CHRD: variants seen among roughly 807,000 people sequenced by gnomAD.
CHRD encodes the protein chordin.
CHRD carries 69 observed loss-of-function variants against 113.7 expected under a neutral mutation model. That is an observed-to-expected ratio of 0.61 (90% CI 0.50 to 0.74). CHRD has a LOEUF of 0.74. Ranked by LOEUF, CHRD falls within the 30% of genes least tolerant of loss-of-function variation. The pLI is 0.00. For missense variants in CHRD, 1,194 were observed against 1,295.8 expected (o/e 0.92, Z 1.21); for synonymous variants, 561 against 540.8 (o/e 1.04, Z -0.52).
chr3:184,387,998 G>C lies in CHRD; in HGVS notation c.2519G>C (p.Arg840Pro), dbSNP rs772596758. The C allele has an allele frequency of 1.2e-6, 2 of 1,613,824 alleles. No homozygotes were observed. The highest frequency in any genetic ancestry group is 8.5e-7 in the Non-Finnish European group (1 of 1,179,974). Residue 840 changes from arginine to proline, a missense_variant, in exon 20 of 23, where the codon CGT (arginine) becomes CCT (proline). Coordinates refer to ENST00000204604, the Ensembl canonical transcript of CHRD. The surrounding 1 kb of genome is among the most constrained non-coding windows in gnomAD (Gnocchi z 6.1). The stretch of plus-strand genomic sequence containing the variant: ...CGGCTGGCCTGTGCCCAGCCTGTGC[G>C]TGTCAACCCCACCGACTGCTGCAAA...
exon 23 of CHRD, chr3:184,389,422 G>A (rs761121492): frequency 8.7e-6 from 14 of 1,613,300 alleles, no homozygotes; most frequent in Admixed American, 1.7e-5. Context: ...AAGGCTCTTA[G>A]GGAGCAGCCA....
In CHRD at chr3:184,381,174, G is replaced by T. The variant is rs1715315580; in HGVS notation, c.253-61G>T. The T allele has an allele frequency of 8.1e-6, 13 of 1,598,228 alleles. No homozygotes were observed. The highest frequency in any genetic ancestry group is 9.4e-6 in the Non-Finnish European group (11 of 1,168,760). On this transcript the variant is annotated intron_variant, in intron 2 of 22. Coordinates refer to ENST00000204604, the Ensembl canonical transcript of CHRD. This position sits in a 1 kb window ranked among gnomAD's most constrained non-coding sequence, Gnocchi z 4.7. Reference sequence around the variant, plus strand: ...TGACTCTGCGGGACATCCTTGCCTGGGGGGGTCTCATCAGTTGGCATCTTG... The same window carrying T: ...TGACTCTGCGGGACATCCTTGCCTGTGGGGGTCTCATCAGTTGGCATCTTG...
rs1331011803 is a variant in CHRD, at chr3:184,387,436, C to T, written c.2410C>T (p.Pro804Ser). 3.7e-6 allele frequency: 6 copies of T among 1,612,484 alleles called. No individual in the cohort carries two copies. Among genetic ancestry groups the T allele is most frequent in the Non-Finnish European group, 5.1e-6 (6 of 1,179,468 alleles). ...GGGTACGCGGTGGCACCCCGTTGTGCCCCCCTTTGGCTTAATTAAGTGTGC... is the reference window on the plus strand; with the variant it reads ...GGGTACGCGGTGGCACCCCGTTGTGTCCCCCTTTGGCTTAATTAAGTGTGC... The change falls in exon 19 of 23, where the codon CCC (proline) becomes TCC (serine). Residue 804 changes from proline (P) to serine (S), a missense_variant. Pro to Ser is a moderately conservative substitution (Grantham distance 74). Coordinates refer to ENST00000204604, the Ensembl canonical transcript of CHRD. This position sits in a 1 kb window ranked among gnomAD's most constrained non-coding sequence, Gnocchi z 6.1.
Position 184,381,179 on chromosome 3 carries a change from G to T in CHRD, c.253-56G>T, listed in dbSNP as rs1715318550. ...CTGCGGGACATCCTTGCCTGGGGGG[G>T]TCTCATCAGTTGGCATCTTGCACTC... On this transcript the variant is annotated intron_variant, in intron 2 of 22. Transcript: ENST00000204604. This position sits in a 1 kb window ranked among gnomAD's most constrained non-coding sequence, Gnocchi z 4.7. 6.2e-7 allele frequency: 1 copy of T among 1,604,238 alleles called. No individual in the cohort carries two copies. The highest frequency in any genetic ancestry group is 1.1e-5 in the South Asian group (1 of 90,944).
intron 14 of CHRD, 74 bp downstream of exon 14, chr3:184,385,312 T>C: frequency 8.7e-7 from 1 of 1,154,186 alleles, no homozygotes. Context: ...GGGCCTGTGT[T>C]GGGGAAAGCA....
rs902221751 is a variant in CHRD, at chr3:184,380,477, G to T, written c.148+11G>T. The T allele has an allele frequency of 6.8e-6, 8 of 1,178,430 alleles. No individual in the cohort carries two copies. The highest frequency in any genetic ancestry group is 8.4e-6 in the Non-Finnish European group (8 of 951,334). 73.0% of individuals were successfully genotyped at this position (1,178,430 alleles called of 1,614,324 possible). On this transcript the variant is annotated intron_variant, in intron 1 of 22. Transcript: ENST00000204604. The surrounding 1 kb of genome is among the most constrained non-coding windows in gnomAD (Gnocchi z 6.3). ...TTCGGGGAGCGGCAGGTAGGTGGGCGCCCGGGGGAGGCGCGGGCGGGGAGT... is the reference window on the plus strand; with the variant it reads ...TTCGGGGAGCGGCAGGTAGGTGGGCTCCCGGGGGAGGCGCGGGCGGGGAGT...
Position 184,387,277 on chromosome 3 carries a change from C to A in CHRD, c.2348-97C>A. ...TACTGGCCCCCAGGTGGGCCCTTGG[C>A]TTAGGCTCGTGTGGGGGTGGCCTGA... On this transcript the variant is annotated intron_variant, in intron 18 of 22. Transcript: ENST00000204604. This position sits in a 1 kb window ranked among gnomAD's most constrained non-coding sequence, Gnocchi z 6.1. 1 of 1,445,414 alleles carries A rather than the reference C, an allele frequency of 6.9e-7. No individual in the cohort carries two copies. The highest frequency in any genetic ancestry group is 9.5e-7 in the Non-Finnish European group (1 of 1,057,696). 89.5% of individuals were successfully genotyped at this position (1,445,414 alleles called of 1,614,324 possible). A position where few individuals can be genotyped will look rare whatever the true frequency, so the allele number is the denominator to read the frequency against.
At chr3:184,385,714 G>A (rs1164596371) in intron 14 of CHRD, among the ~76,000 whole-genome samples, 1 of 150,022 alleles carries the variant, frequency 6.7e-6, no homozygotes, top group Non-Finnish European at 1.5e-5. Flanking sequence ...ATGGGCTTGG[G>A]AGTCAGATAG....
chr3:184,380,641 G>A lies in CHRD; in HGVS notation c.149-51G>A, dbSNP rs143811087. The A allele has an allele frequency of 1.4e-3, 1,964 of 1,424,154 alleles. 24 individuals are homozygous for A. In the African/African-American group the frequency reaches 0.025, roughly 18 times the overall value. 88.2% of individuals were successfully genotyped at this position (1,424,154 alleles called of 1,614,324 possible). A position where few individuals can be genotyped will look rare whatever the true frequency, so the allele number is the denominator to read the frequency against. ...GGGACCCGCGGGCAGCCCCCGGGGC[G>A]GCACACGGCGCGAGCTGGGCAGCGG... On this transcript the variant is annotated intron_variant, in intron 1 of 22. Coordinates refer to ENST00000204604, the Ensembl canonical transcript of CHRD. The surrounding 1 kb of genome is among the most constrained non-coding windows in gnomAD (Gnocchi z 6.3).
In CHRD at chr3:184,384,509, G is replaced by C. The variant is rs1715976276; in HGVS notation, c.1441-28G>C. On this transcript the variant is annotated intron_variant, in intron 12 of 22. Coordinates refer to ENST00000204604, the Ensembl canonical transcript of CHRD. The surrounding 1 kb of genome is among the most constrained non-coding windows in gnomAD (Gnocchi z 4.4). Reference sequence around the variant, plus strand: ...AGAACCTTGGACTCGTGTGAGAGCTGAGAAGGCCTATCCTCCCCTGCCCCC... The same window carrying C: ...AGAACCTTGGACTCGTGTGAGAGCTCAGAAGGCCTATCCTCCCCTGCCCCC... 3 of 1,466,942 alleles carry C rather than the reference G, an allele frequency of 2.0e-6. No individual in the cohort carries two copies. The South Asian group carries it at 4.5e-5, about 22-fold the overall frequency. 90.9% of individuals were successfully genotyped at this position (1,466,942 alleles called of 1,614,324 possible). A position where few individuals can be genotyped will look rare whatever the true frequency, so the allele number is the denominator to read the frequency against.
In CHRD at chr3:184,382,500, C is replaced by CCT; in HGVS notation, c.815_816dup (p.Ile273SerfsTer16). The CCT allele has an allele frequency of 6.2e-7, 1 of 1,614,000 alleles. No homozygotes were observed. The highest frequency in any genetic ancestry group is 8.5e-7 in the Non-Finnish European group (1 of 1,180,020). The stretch of plus-strand genomic sequence containing the variant: ...TCACCCTTCAGGGGAGGTCTGGGGG[C>CCT]CTCTCATCCGGCACCGGGCCCTGGC... On this transcript the variant is annotated frameshift_variant, in exon 7 of 23. Coordinates refer to ENST00000204604, the Ensembl canonical transcript of CHRD. LOFTEE classifies it high-confidence loss of function.
chr3:184,386,200 G>A, intron 15 of CHRD, 41 bp downstream of exon 15: 2 of 1,592,232 alleles, frequency 1.3e-6, no homozygotes, highest in Non-Finnish European at 8.6e-7. Flanking sequence ...TGGGGAGGGT[G>A]CAGAGTTGGA....
chr3:184,381,661 C>A lies in CHRD; in HGVS notation c.511+37C>A. ...GCGAACAGCGGGGTTGTGGTTGAGG[C>A]TGGGCCACCAAAGCGGCGTTTGACA... is the stretch of plus-strand genomic sequence containing the variant. On this transcript the variant is annotated intron_variant, in intron 4 of 22. Coordinates refer to ENST00000204604, the Ensembl canonical transcript of CHRD. The surrounding 1 kb of genome is among the most constrained non-coding windows in gnomAD (Gnocchi z 4.7). The A allele has an allele frequency of 6.2e-7, 1 of 1,605,048 alleles. No individual in the cohort carries two copies. The highest frequency in any genetic ancestry group is 8.5e-7 in the Non-Finnish European group (1 of 1,175,258).
Position 184,380,608 on chromosome 3 carries a change from T to TGGGACCCGGGACCCGCGGGC in CHRD, c.149-83_149-64dup, listed in dbSNP as rs1715164026. 8.3e-7 allele frequency: 1 copy of TGGGACCCGGGACCCGCGGGC among 1,199,488 alleles called. No individual in the cohort carries two copies. Among genetic ancestry groups the TGGGACCCGGGACCCGCGGGC allele is most frequent in the Admixed American group, 4.0e-5 (1 of 25,200 alleles). The allele number at this position is 1,199,488 out of a possible 1,614,324, so 74.3% of individuals were successfully genotyped here. ...GGCGGGGGCAGAAGGGCGCGGTGCC[T>TGGGACCCGGGACCCGCGGGC]GGGACCCGGGACCCGCGGGCAGCCC... On this transcript the variant is annotated intron_variant, in intron 1 of 22. Coordinates refer to ENST00000204604, the Ensembl canonical transcript of CHRD. This position sits in a 1 kb window ranked among gnomAD's most constrained non-coding sequence, Gnocchi z 6.3.
At chr3:184,386,906 A>G in exon 17 of CHRD, 1 of 1,614,186 alleles carries the variant, frequency 6.2e-7, no homozygotes, top group East Asian at 2.2e-5. Context: ...CACCCGGTGC[A>G]GGCTCCCGAC....
At position 184,380,286 on chromosome 3, in the gene CHRD, C is replaced by T. The variant is rs760202282; in HGVS notation, c.-33C>T. On this transcript the variant is annotated 5_prime_UTR_variant, in exon 1 of 23. Coordinates refer to ENST00000204604, the Ensembl canonical transcript of CHRD. This position sits in a 1 kb window ranked among gnomAD's most constrained non-coding sequence, Gnocchi z 6.3. ...CCTCCGCCCGCTCCCGCGCCCTCCT[C>T]CCTCCCTCCTCCCCAGCTGTCCCGT... is the stretch of plus-strand genomic sequence containing the variant. 1 of 988,636 alleles carries T rather than the reference C, an allele frequency of 1.0e-6. No individual in the cohort carries two copies. Among genetic ancestry groups the T allele is most frequent in the South Asian group, 2.4e-5 (1 of 41,166 alleles). The allele number at this position is 988,636 out of a possible 1,614,324, so 61.2% of individuals were successfully genotyped here.
At position 184,381,414 on chromosome 3, in the gene CHRD, G is replaced by C. The variant is rs1215077677; in HGVS notation, c.382+50G>C. The stretch of plus-strand genomic sequence containing the variant: ...GAGGGAGGCAGGGCCACGATACTAG[G>C]TCCCGGGCCACTTGGATGGGGCGTC... On this transcript the variant is annotated intron_variant, in intron 3 of 22. Coordinates refer to ENST00000204604, the Ensembl canonical transcript of CHRD. This position sits in a 1 kb window ranked among gnomAD's most constrained non-coding sequence, Gnocchi z 4.7. The C allele has an allele frequency of 2.5e-6, 4 of 1,598,904 alleles. No homozygotes were observed. The African/African-American group carries it at 4.0e-5, about 16-fold the overall frequency.
Position 184,387,431 on chromosome 3 carries a change from T to C in CHRD, c.2405T>C (p.Val802Ala). ...GCAGCGGGTACGCGGTGGCACCCCG[T>C]TGTGCCCCCCTTTGGCTTAATTAAG... The change falls in exon 19 of 23, where the codon GTT (valine) becomes GCT (alanine). Residue 802 changes from valine (V) to alanine (A), a missense_variant. By Grantham distance (64) the Val-to-Ala change is moderately conservative (BLOSUM62 0). Coordinates refer to ENST00000204604, the Ensembl canonical transcript of CHRD. This position sits in a 1 kb window ranked among gnomAD's most constrained non-coding sequence, Gnocchi z 6.1. 9 of 1,612,946 alleles carry C rather than the reference T, an allele frequency of 5.6e-6. No individual in the cohort carries two copies. The highest frequency in any genetic ancestry group is 7.6e-6 in the Non-Finnish European group (9 of 1,179,618).
rs1715811332 is a variant in CHRD, at chr3:184,383,592, C to T, written c.1390C>T (p.Gln464Ter). Reference sequence around the variant, plus strand: ...GGAGACCAAGCCTCAGCGGAGGGATCAGCGCACTGTCCTGTGCCACATGGC... The same window carrying T: ...GGAGACCAAGCCTCAGCGGAGGGATTAGCGCACTGTCCTGTGCCACATGGC... Residue 464 changes from glutamine (Q) to a stop codon, truncating the protein, a stop_gained, in exon 12 of 23, where the codon CAG (glutamine) becomes TAG (stop). Transcript: ENST00000204604. LOFTEE classifies it high-confidence loss of function. The T allele has an allele frequency of 6.2e-7, 1 of 1,613,884 alleles. No individual in the cohort carries two copies. Among genetic ancestry groups the T allele is most frequent in the Admixed American group, 1.7e-5 (1 of 60,004 alleles).
Sources: gnomAD v4.1 joint callset for allele counts (sites outside exome capture counted in the v4.1 genomes callset) on GRCh38, gnomAD v4.1.1 for gene constraint, Gnocchi (gnomAD v3.1) non-coding constraint, MANE v1.5 for transcripts, NCBI Gene and HGNC (gene_info 2026-07-23, HGNC 2026-07-21) for gene names.